The following CYP19A1 variants were observed in gnomAD, a reference collection of about 807,000 sequenced individuals.
The protein encoded by CYP19A1 is aromatase.
CYP19A1 carries 32 observed loss-of-function variants against 44.4 expected under a neutral mutation model. The observed-to-expected ratio is 0.72, with a 90% CI of 0.54 to 0.97. The LOEUF (loss-of-function observed/expected upper bound fraction) is 0.97, where lower values mean the gene tolerates loss of function less well. Among genes scored for constraint, CYP19A1 ranks in the 50% least tolerant of loss-of-function variants. The probability of loss-of-function intolerance (pLI) is 0.00; values close to 1 mark genes in which losing one functional copy is unlikely to be tolerated. For missense variants in CYP19A1, 598 were observed against 637.8 expected, an observed-to-expected ratio of 0.94 and a Z score of 0.67; for synonymous variants, 212 against 215.6, an observed-to-expected ratio of 0.98 and a Z score of 0.14.
rs778841264 is a variant in CYP19A1 at position 51,237,029 on chromosome 15, A to G, written c.146-20T>C. On this transcript the variant is annotated intron_variant, in intron 2 of 9. Transcript: ENST00000396402. ...CAGGACCTAGGACAGGTGTCAGAGC[A>G]TAAGCAACATCTTAGTTACACCAAA... The G allele has an allele frequency of 1.4e-5, 23 of 1,614,100 alleles. No homozygotes were observed. Among genetic ancestry groups the G allele is most frequent in the Non-Finnish European group, 1.9e-5 (22 of 1,179,954 alleles).
At chr15:51,325,414 C>T (rs2036590194) in intron 1 of CYP19A1, among the ~76,000 whole-genome samples, 1 of 152,180 alleles carries the variant, frequency 6.6e-6, no homozygotes, top group Non-Finnish European at 1.5e-5. Flanking sequence ...CTGCTCTAGC[C>T]TCTTGGGCTA....
intron 1 of CYP19A1, among the ~76,000 whole-genome samples, chr15:51,331,393 A>G (rs1356785659): frequency 6.6e-6 from 1 of 152,234 alleles, no homozygotes. Context: ...GAGTCAGCCA[A>G]GACATTCCTC....
At chr15:51,231,414 C>A (rs936238115) in intron 3 of CYP19A1, among the ~76,000 whole-genome samples, 1 of 152,004 alleles carries the variant, frequency 6.6e-6, no homozygotes, top group Admixed American at 6.6e-5. Flanking sequence ...ACTCATTTGA[C>A]AATTTTCTTA....
At chr15:51,245,133 T>C (rs1169058477) in intron 1 of CYP19A1, among the ~76,000 whole-genome samples, 1 of 152,212 alleles carries the variant, frequency 6.6e-6, no homozygotes, top group East Asian at 1.9e-4. Context: ...TCTTGATTTT[T>C]AGGATTGCTT....
chr15:51,337,630 G>T (rs2036798258), intron 1 of CYP19A1, among the ~76,000 whole-genome samples: 1 of 152,206 alleles, frequency 6.6e-6, no homozygotes, highest in Non-Finnish European at 1.5e-5. Flanking sequence ...GATGAGGAAG[G>T]GTACTCGGAG....
In CYP19A1 at chr15:51,212,214, A is replaced by T. The variant is rs1483034334; in HGVS notation, c.1263+106T>A. 6 of 859,962 alleles carry T rather than the reference A, an allele frequency of 7.0e-6. No homozygotes were observed. In the East Asian group the frequency reaches 1.4e-4, roughly 21 times the overall value. The allele number at this position is 859,962 out of a possible 1,614,324, so 53.3% of individuals were successfully genotyped here. Reference sequence around the variant, plus strand: ...TCCTGGTGAGGTGGCAGAGGGAATGAGTAAGAAAAATGAAGTATTTATGGT... The same window carrying T: ...TCCTGGTGAGGTGGCAGAGGGAATGTGTAAGAAAAATGAAGTATTTATGGT... On this transcript the variant is annotated intron_variant, in intron 9 of 9. Transcript: ENST00000396402.
At chr15:51,281,888 C>A (rs2140973314) in intron 1 of CYP19A1, among the ~76,000 whole-genome samples, 1 of 152,234 alleles carries the variant, frequency 6.6e-6, no homozygotes, top group East Asian at 1.9e-4. Context: ...CCTTCTAATT[C>A]CCCAAATTTC....
chr15:51,313,080 T>A (rs1044338842), intron 1 of CYP19A1: 1 of 152,268 alleles, frequency 6.6e-6, no homozygotes, highest in Non-Finnish European at 1.5e-5. Flanking sequence ...TCATGAGCCA[T>A]TTTCAGCTCA....
At chr15:51,312,312 G>T (rs1324044961) in intron 1 of CYP19A1, 2 of 152,212 alleles carry the variant, frequency 1.3e-5, no homozygotes, top group Non-Finnish European at 2.9e-5. Context: ...TTGGCGTCCA[G>T]TCTGTCAGAC....
rs2141029357 is a variant in CYP19A1, at chr15:51,210,711, G to A, written c.*97C>T. The A allele has an allele frequency of 1.2e-6, 1 of 855,840 alleles. No individual in the cohort carries two copies. The highest frequency in any genetic ancestry group is 2.4e-5 in the East Asian group (1 of 41,542). 53.0% of individuals were successfully genotyped at this position (855,840 alleles called of 1,614,324 possible). On this transcript the variant is annotated 3_prime_UTR_variant, in exon 10 of 10. Transcript: ENST00000396402. The stretch of plus-strand genomic sequence containing the variant: ...CCTATAAAATGCCATGGGCCACTGA[G>A]TGTTCACTGTGAGGATGACACTATT...
intron 1 of CYP19A1, chr15:51,314,055 C>T (rs2036373126): frequency 6.6e-6 from 1 of 152,012 alleles, no homozygotes; most frequent in South Asian, 2.1e-4. Flanking sequence ...AATAATTACC[C>T]AACGTCTCTG....
chr15:51,305,206 C>T (rs1036638950), intron 1 of CYP19A1, among the ~76,000 whole-genome samples: 3 of 152,088 alleles, frequency 2.0e-5, no homozygotes, highest in Non-Finnish European at 4.4e-5. Context: ...GGCCACGTCT[C>T]TTCCTTTCAA....
chr15:51,234,594 C>T lies in CYP19A1; in HGVS notation c.296+2265G>A, dbSNP rs1366483855. ...CTGGTACTGTGGTCCTTTCTCAAGT[C>T]TATCATTCTTTACTCCAGTTCTAGT... On this transcript the variant is annotated intron_variant, in intron 3 of 9. Transcript: ENST00000396402. Among the ~76,000 whole-genome samples the T allele has an allele frequency of 6.6e-5, 10 of 152,200 alleles. No homozygotes were observed. In the East Asian group the frequency reaches 1.5e-3, roughly 24 times the overall value.
chr15:51,305,828 TG>T (rs11364384), intron 1 of CYP19A1, among the ~76,000 whole-genome samples: 5,449 of 152,200 alleles, frequency 0.036, 254 homozygotes, highest in East Asian at 0.14. Flanking sequence ...CCCAAAGTGT[TG>T]GGGTTACAAG....
At chr15:51,301,207 C>T (rs2036104524) in intron 1 of CYP19A1, among the ~76,000 whole-genome samples, 1 of 152,204 alleles carries the variant, frequency 6.6e-6, no homozygotes, top group African/African-American at 2.4e-5. Context: ...ATGAAGAAAT[C>T]CCCAGAAGGC....
chr15:51,326,856 A>G (rs74016704), intron 1 of CYP19A1, among the ~76,000 whole-genome samples: 8,153 of 152,212 alleles, frequency 0.054, 736 homozygotes, highest in African/African-American at 0.19. Context: ...TAAACACATC[A>G]CTGTGTAATT....
rs1345764681 is a variant in CYP19A1, at chr15:51,210,821, C to T, written c.1499G>A (p.Cys500Tyr). 5.0e-6 allele frequency: 8 copies of T among 1,592,528 alleles called. No homozygotes were observed. The highest frequency in any genetic ancestry group is 6.9e-6 in the Non-Finnish European group (8 of 1,160,134). Residue 500 changes from cysteine (C) to tyrosine (Y), a missense_variant, in exon 10 of 10, where the codon TGT becomes TAT. Transcript: ENST00000396402. ...GACCAGCCTTCTCTAGTGTTCCAGACACCTGTCTGAGTTTCTTGGGGTAAA... is the reference window on the plus strand; with the variant it reads ...GACCAGCCTTCTCTAGTGTTCCAGATACCTGTCTGAGTTTCTTGGGGTAAA... ...MIFTPRNSDR[C>Y]LEH
chr15:51,314,892 C>T (rs1401376203), intron 1 of CYP19A1, among the ~76,000 whole-genome samples: 4 of 152,174 alleles, frequency 2.6e-5, no homozygotes, highest in Non-Finnish European at 5.9e-5. Flanking sequence ...ACCCAGTCTC[C>T]AAACCTGTTG....
intron 1 of CYP19A1, among the ~76,000 whole-genome samples, chr15:51,301,167 G>A (rs1167406277): frequency 4.6e-5 from 7 of 152,200 alleles, no homozygotes; most frequent in Admixed American, 1.3e-4. Flanking sequence ...GCAGACAGAA[G>A]CTGGAAAGAC....
Sources: gnomAD v4.1 joint callset for allele counts (sites outside exome capture counted in the v4.1 genomes callset) on GRCh38, gnomAD v4.1.1 for gene constraint, MANE v1.5 for transcripts, NCBI Gene and HGNC (gene_info 2026-07-23, HGNC 2026-07-21) for gene names.